The following ACLY variants were observed in gnomAD, a reference collection of about 807,000 sequenced individuals.
ACLY encodes the protein ATP-citrate synthase.
A neutral mutation model predicts 133.0 loss-of-function variants in ACLY; 41 were observed. The observed-to-expected ratio is 0.31, with a 90% CI of 0.24 to 0.40. ACLY has a LOEUF of 0.40. ACLY is among the 10% of genes least tolerant of loss of function. The pLI is 1.00. For synonymous variants in ACLY, 495 were observed against 549.3 expected, an observed-to-expected ratio of 0.90 and a Z score of 1.38; for missense variants, 1,046 against 1,453.8, an observed-to-expected ratio of 0.72 and a Z score of 4.56.
intron 20 of ACLY, among the ~76,000 whole-genome samples, chr17:41,879,517 C>T (rs1389409648): frequency 6.8e-6 from 1 of 146,452 alleles, no homozygotes; most frequent in Admixed American, 6.8e-5. Flanking sequence ...TCCTTGGGCT[C>T]AGGTAATCCT....
At chr17:41,908,949 TGG>T in intron 6 of ACLY, 38 bp downstream of exon 6, 2 of 1,540,670 alleles carry the variant, frequency 1.3e-6, no homozygotes, top group Non-Finnish European at 1.8e-6. Flanking sequence ...TCATAGGCAC[TGG>T]GACCCTTGCC....
intron 14 of ACLY, among the ~76,000 whole-genome samples, chr17:41,894,754 C>T (rs1304139984): frequency 6.6e-6 from 1 of 152,058 alleles, no homozygotes; most frequent in Non-Finnish European, 1.5e-5. Flanking sequence ...TACCACGCTT[C>T]AGGCAGTTGA....
intron 3 of ACLY, among the ~76,000 whole-genome samples, 173 bp from the exon 4 acceptor site, chr17:41,910,457 GGAGAT>G (rs1484823138): frequency 3.3e-5 from 5 of 152,358 alleles, no homozygotes; most frequent in Non-Finnish European, 7.3e-5. Context: ...TAAGTCCTCA[GGAGAT>G]GCCCTTTCAC....
rs1555632256 is a variant in ACLY at position 41,904,718 on chromosome 17, G to A, written c.1065+11C>T. Reference sequence around the variant, plus strand: ...TTTCCCCAGAAACTGCACCACTGTTGCAACTGTTACCTTGAACGTGGCAGC... The same window carrying A: ...TTTCCCCAGAAACTGCACCACTGTTACAACTGTTACCTTGAACGTGGCAGC... On this transcript the variant is annotated intron_variant, in intron 10 of 28. Coordinates refer to ENST00000352035, the MANE Select transcript of ACLY (RefSeq NM_001096.3). 6.2e-7 allele frequency: 1 copy of A among 1,612,938 alleles called. No individual in the cohort carries two copies. The highest frequency in any genetic ancestry group is 8.5e-7 in the Non-Finnish European group (1 of 1,178,970).
At chr17:41,923,922 T>C (rs1325980554), upstream of ACLY, among the ~76,000 whole-genome samples, 1 of 152,088 alleles carries the variant, frequency 6.6e-6, no homozygotes, top group Non-Finnish European at 1.5e-5. Flanking sequence ...ACGATTCTCC[T>C]GCCTCAGCCT....
intron 4 of ACLY, 51 bp from the exon 5 acceptor site, chr17:41,909,751 T>C: frequency 1.9e-6 from 3 of 1,556,790 alleles, no homozygotes; most frequent in Non-Finnish European, 2.6e-6. Flanking sequence ...GGGGCGAAGC[T>C]GGTGAGGGGC....
At position 41,889,193 on chromosome 17, in the gene ACLY, T is replaced by G. The variant is rs141294707; in HGVS notation, c.1771-1490A>C. On this transcript the variant is annotated intron_variant, in intron 16 of 28. Coordinates refer to ENST00000352035, the MANE Select transcript of ACLY (RefSeq NM_001096.3). ...CTAGGTGATGTGCTAGGTTTTGCCTTGGGCCATAGTTTGCCAACCTCTGCC... is the reference window on the plus strand; with the variant it reads ...CTAGGTGATGTGCTAGGTTTTGCCTGGGGCCATAGTTTGCCAACCTCTGCC... Among the ~76,000 whole-genome samples, 8 of 152,208 alleles carry G rather than the reference T, an allele frequency of 5.3e-5. No homozygotes were observed. In the East Asian group the frequency reaches 1.5e-3, roughly 29 times the overall value.
upstream of ACLY, among the ~76,000 whole-genome samples, chr17:41,921,490 A>AG (rs1246295800): frequency 6.7e-6 from 1 of 150,030 alleles, no homozygotes; most frequent in Non-Finnish European, 1.5e-5. Flanking sequence ...AAAAAAAAAA[A>AG]AAAAACAAAA....
intron 20 of ACLY, 39 bp from the exon 21 acceptor site, chr17:41,878,963 C>T: frequency 6.2e-7 from 1 of 1,612,518 alleles, no homozygotes; most frequent in Non-Finnish European, 8.5e-7. Flanking sequence ...GCTAATCCCC[C>T]AAGAGTGAAC....
At position 41,924,627 on chromosome 17, in the gene ACLY, A is replaced by C. The variant is rs542397209; in HGVS notation, c.-28+5731T>G. Among the ~76,000 whole-genome samples the C allele has an allele frequency of 3.9e-5, 6 of 152,128 alleles. No individual in the cohort carries two copies. The East Asian group carries it at 1.2e-3, about 29-fold the overall frequency. On this transcript the variant is annotated intron_variant, in intron 1 of 3. Coordinates refer to the ACLY transcript ENST00000592970. The stretch of plus-strand genomic sequence containing the variant: ...TTTGCCCAGTACTGACAAACCTTCC[A>C]TCAGAGCTAAGGGCCTGTGTGTCCT...
chr17:41,878,585 C>T (rs1274622782), intron 21 of ACLY, among the ~76,000 whole-genome samples: 2 of 152,160 alleles, frequency 1.3e-5, no homozygotes, highest in Non-Finnish European at 2.9e-5. Flanking sequence ...AAACTCAACA[C>T]ATTTTAATAC....
chr17:41,898,008 T>C (rs2144338701), intron 12 of ACLY, among the ~76,000 whole-genome samples, 169 bp from the exon 13 acceptor site: 1 of 152,320 alleles, frequency 6.6e-6, no homozygotes, highest in South Asian at 2.1e-4. Flanking sequence ...GAATTAATAT[T>C]ATCCCATGTT....
Position 41,867,001 on chromosome 17 carries a change from T to G in ACLY, c.*809A>C, listed in dbSNP as rs2048486071. ...ACTGAGGTGGCAGCTGCCCAGAATC[T>G]TTGTGGATTACAGATGCAAAGTAGT... On this transcript the variant is annotated 3_prime_UTR_variant, in exon 29 of 29. Transcript: ENST00000352035. The G allele has an allele frequency of 6.6e-6, 1 of 152,588 alleles. No homozygotes were observed. 9.5% of individuals were successfully genotyped at this position (152,588 alleles called of 1,614,324 possible). A position where few individuals can be genotyped will look rare whatever the true frequency, so the allele number is the denominator to read the frequency against.
At chr17:41,895,004 C>T (rs2049326208) in intron 14 of ACLY, among the ~76,000 whole-genome samples, 1 of 152,162 alleles carries the variant, frequency 6.6e-6, no homozygotes, top group African/African-American at 2.4e-5. Flanking sequence ...TTGCAAATAC[C>T]TGGGATTTAC....
intron 6 of ACLY, among the ~76,000 whole-genome samples, chr17:41,908,184 C>T (rs905630083): frequency 2.6e-5 from 4 of 152,218 alleles, no homozygotes; most frequent in Non-Finnish European, 5.9e-5. Flanking sequence ...TTTGATTTCT[C>T]GCCTTCCTAG....
intron 28 of ACLY, 22 bp downstream of exon 28, chr17:41,868,687 A>G (rs1555624425): frequency 1.2e-6 from 2 of 1,609,596 alleles, no homozygotes; most frequent in Non-Finnish European, 1.7e-6. Context: ...AAAACACTTA[A>G]AACAACAACG....
At chr17:41,910,647 T>C (rs1555633510) in intron 3 of ACLY, among the ~76,000 whole-genome samples, 1 of 152,200 alleles carries the variant, frequency 6.6e-6, no homozygotes, top group Non-Finnish European at 1.5e-5. Flanking sequence ...TTCTGCTTCA[T>C]GAGCCTTGAG....
intron 16 of ACLY, 41 bp downstream of exon 16, chr17:41,892,237 TC>T: frequency 2.2e-6 from 1 of 447,214 alleles, no homozygotes; most frequent in Non-Finnish European, 3.6e-6. Context: ...TGCGCATAGT[TC>T]ATGGTCCCCA....
chr17:41,884,399 G>A, intron 18 of ACLY, 125 bp from the exon 19 acceptor site: 1 of 650,120 alleles, frequency 1.5e-6, no homozygotes, highest in Non-Finnish European at 2.8e-6. Context: ...GGCCAGTAAG[G>A]GTCCAGAGAT....
Sources: allele counts gnomAD v4.1 joint callset (sites outside exome capture counted in the v4.1 genomes callset), GRCh38; gene constraint gnomAD v4.1.1; transcripts MANE v1.5; gene names NCBI Gene and HGNC (gene_info 2026-07-23, HGNC 2026-07-21).